The following PATJ variants were observed in gnomAD, a reference collection of about 807,000 sequenced individuals.
PATJ encodes the protein inaD-like protein.
In PATJ, 190 loss-of-function variants were observed where a neutral mutation model predicts 224.9. That is an observed-to-expected ratio of 0.84 (90% confidence interval 0.75 to 0.95). PATJ has a LOEUF of 0.95. Among genes scored for constraint, PATJ ranks in the 40% least tolerant of loss-of-function variants. PATJ has a pLI of 0.00. For synonymous variants in PATJ, 769 were observed against 820.3 expected (o/e 0.94, Z 1.07); for missense variants, 2,121 against 2,270.3 (o/e 0.93, Z 1.34).
intron 27 of PATJ, among the ~76,000 whole-genome samples, chr1:61,987,575 A>G (rs555006108): frequency 6.6e-6 from 1 of 152,308 alleles, no homozygotes; most frequent in African/African-American, 2.4e-5. Flanking sequence ...AAGGTCTTAA[A>G]TGGAGCCTCC....
chr1:62,031,046 A>G (rs996960418), intron 29 of PATJ, among the ~76,000 whole-genome samples: 2 of 152,234 alleles, frequency 1.3e-5, no homozygotes, highest in African/African-American at 4.8e-5. Flanking sequence ...GTTATGCTTC[A>G]GTAACAAACA....
chr1:61,960,069 A>G (rs538564529), intron 27 of PATJ, among the ~76,000 whole-genome samples: 1 of 152,248 alleles, frequency 6.6e-6, no homozygotes, highest in African/African-American at 2.4e-5. Context: ...GTTATATTCA[A>G]TATCAATATT....
At chr1:62,104,031 ACT>A (rs1558172472) in intron 33 of PATJ, among the ~76,000 whole-genome samples, 2 of 151,968 alleles carry the variant, frequency 1.3e-5, no homozygotes, top group African/African-American at 4.8e-5. Flanking sequence ...TGATTAATGG[ACT>A]GCTTTTGGAA....
At chr1:62,031,230 A>G (rs7531027) in intron 29 of PATJ, among the ~76,000 whole-genome samples, 34,892 of 152,176 alleles carry the variant, frequency 0.23, 4,306 homozygotes, top group Non-Finnish European at 0.28. Flanking sequence ...CAATGCAGAA[A>G]CAGGAAACGT....
chr1:61,986,218 G>A (rs1449730113), intron 27 of PATJ, among the ~76,000 whole-genome samples: 1 of 151,958 alleles, frequency 6.6e-6, no homozygotes, highest in Non-Finnish European at 1.5e-5. Context: ...CCTCATTTCA[G>A]TGTCTTTAAT....
chr1:61,833,802 A>G lies in PATJ; in HGVS notation c.2112+17A>G. On this transcript the variant is annotated intron_variant, in intron 17 of 43. Coordinates refer to ENST00000642238, the MANE Select transcript of PATJ (RefSeq NM_001350145.3). ...GATTACCAGGTATAAGAACCTGTGTAGAGGTGTTTTCTTTGGAGTGATTGG... is the reference window on the plus strand; with the variant it reads ...GATTACCAGGTATAAGAACCTGTGTGGAGGTGTTTTCTTTGGAGTGATTGG... The G allele has an allele frequency of 1.2e-6, 2 of 1,607,066 alleles. No homozygotes were observed. The highest frequency in any genetic ancestry group is 1.7e-6 in the Non-Finnish European group (2 of 1,177,222).
At position 62,072,976 on chromosome 1, in the gene PATJ, T is replaced by A. The variant is rs139690951; in HGVS notation, c.4126-6474T>A. On this transcript the variant is annotated intron_variant, in intron 31 of 43. Transcript: ENST00000642238. ...AACTGCTGAAATTGGAAAGTGCGGT[T>A]GAGCCCTCCAATGCTGCTAATTGGT... is the stretch of plus-strand genomic sequence containing the variant. 79 of 924,718 alleles carry A rather than the reference T, an allele frequency of 8.5e-5. 1 individual carries two copies. In the East Asian group the frequency reaches 7.5e-3, roughly 88 times the overall value. 57.3% of individuals were successfully genotyped at this position (924,718 alleles called of 1,614,324 possible). A position where few individuals can be genotyped will look rare whatever the true frequency, so the allele number is the denominator to read the frequency against.
intron 1 of PATJ, among the ~76,000 whole-genome samples, chr1:61,751,323 G>C (rs1645312168): frequency 6.6e-6 from 1 of 152,062 alleles, no homozygotes; most frequent in Non-Finnish European, 1.5e-5. Context: ...ATAATTTCTG[G>C]GGAGAAGCTG....
Position 61,746,133 on chromosome 1 carries a change from G to T in PATJ, c.-36+3578G>T, listed in dbSNP as rs538178075. Among the ~76,000 whole-genome samples, 30 of 151,544 alleles carry T rather than the reference G, an allele frequency of 2.0e-4. No homozygotes were observed. The South Asian group carries it at 4.6e-3, about 23-fold the overall frequency. The stretch of plus-strand genomic sequence containing the variant: ...TATTTTGTATTTTTAGTAGAGACAG[G>T]GTTTTGCCATGTTGGCCAGGCTGGT... On this transcript the variant is annotated intron_variant, in intron 1 of 43. Transcript: ENST00000642238.
intron 34 of PATJ, among the ~76,000 whole-genome samples, chr1:62,113,169 C>T (rs1664055314): frequency 6.6e-6 from 1 of 152,164 alleles, no homozygotes; most frequent in African/African-American, 2.4e-5. Flanking sequence ...CATGACTTGG[C>T]TTTACTCAGT....
chr1:62,034,883 C>T (rs7520924), intron 29 of PATJ, among the ~76,000 whole-genome samples: 92,204 of 152,028 alleles, frequency 0.61, 28,704 homozygotes, highest in African/African-American at 0.74. Flanking sequence ...CAGTTCATCA[C>T]GATCTCTCAA....
At chr1:61,863,353 AAGCTTCACTACAATGATGTTT>A (rs1204584997) in intron 19 of PATJ, among the ~76,000 whole-genome samples, 1 of 152,120 alleles carries the variant, frequency 6.6e-6, no homozygotes, top group Non-Finnish European at 1.5e-5. Context: ...GTTAATTTAA[AAGCTTCACTACAATGATGTTT>A]AGCTGCAAGG....
chr1:61,939,675 G>GTTTTTT (rs1677476831), intron 27 of PATJ, among the ~76,000 whole-genome samples: 1 of 67,652 alleles, frequency 1.5e-5, no homozygotes, highest in African/African-American at 6.0e-5. Flanking sequence ...GTTTCTATGT[G>GTTTTTT]CTTTTTTTTT....
At chr1:62,040,025 A>G (rs1159671261) in intron 30 of PATJ, among the ~76,000 whole-genome samples, 1 of 151,888 alleles carries the variant, frequency 6.6e-6, no homozygotes, top group East Asian at 1.9e-4. Flanking sequence ...TCTCCCAAGC[A>G]CATAGTTAGA....
intron 29 of PATJ, among the ~76,000 whole-genome samples, chr1:62,021,858 G>T (rs1647102836): frequency 6.6e-6 from 1 of 152,106 alleles, no homozygotes; most frequent in Admixed American, 6.6e-5. Context: ...ATGCGACTTT[G>T]TTTTTCTTTT....
At chr1:62,046,266 C>A (rs1273415499) in intron 30 of PATJ, among the ~76,000 whole-genome samples, 1 of 149,692 alleles carries the variant, frequency 6.7e-6, no homozygotes, top group Non-Finnish European at 1.5e-5. Context: ...GGGAAAGGAT[C>A]CACATTGTTA....
At chr1:61,950,250 G>A (rs753060744) in intron 27 of PATJ, among the ~76,000 whole-genome samples, 8 of 152,118 alleles carry the variant, frequency 5.3e-5, no homozygotes, top group Non-Finnish European at 8.8e-5. Context: ...CAACAGCAAC[G>A]TATTTTTTTG....
intron 19 of PATJ, among the ~76,000 whole-genome samples, chr1:61,862,177 CAT>C (rs35094571): frequency 1.3e-5 from 2 of 150,590 alleles, no homozygotes; most frequent in Non-Finnish European, 3.0e-5. Flanking sequence ...TGTATATATA[CAT>C]ATATATATAT....
chr1:61,747,800 A>G (rs975876649), intron 1 of PATJ, among the ~76,000 whole-genome samples: 1 of 152,228 alleles, frequency 6.6e-6, no homozygotes, highest in African/African-American at 2.4e-5. Flanking sequence ...CCACTCTCAC[A>G]CGTGGGCATG....
Sources: gnomAD v4.1 joint callset for allele counts (sites outside exome capture counted in the v4.1 genomes callset) on GRCh38, gnomAD v4.1.1 for gene constraint, MANE v1.5 for transcripts, NCBI Gene and HGNC (gene_info 2026-07-23, HGNC 2026-07-21) for gene names.